Variants in RPS6KA2 observed in about 807,000 individuals in gnomAD.
RPS6KA2 encodes the protein ribosomal protein S6 kinase A2, also known as ribosomal protein S6 kinase alpha-2.
A neutral mutation model predicts 91.8 loss-of-function variants in RPS6KA2; 42 were observed. That is an observed-to-expected ratio of 0.46 (90% CI 0.36 to 0.59). The LOEUF (loss-of-function observed/expected upper bound fraction) is 0.59, where lower values mean the gene tolerates loss of function less well. RPS6KA2 is among the 20% of genes least tolerant of loss of function. The pLI is 0.00. For missense variants in RPS6KA2, 798 were observed against 978.5 expected (o/e 0.82, Z 2.46); for synonymous variants, 414 against 393.6 (o/e 1.05, Z -0.61).
At chr6:166,727,966 G>A (rs886446092) in intron 2 of RPS6KA2, among the ~76,000 whole-genome samples, 1 of 152,142 alleles carries the variant, frequency 6.6e-6, no homozygotes, top group Admixed American at 6.5e-5. Context: ...AAAACCAGAT[G>A]GTCATGTCCA....
At chr6:166,661,284 A>G (rs1033033855) in intron 2 of RPS6KA2, among the ~76,000 whole-genome samples, 1 of 152,164 alleles carries the variant, frequency 6.6e-6, no homozygotes, top group Non-Finnish European at 1.5e-5. Context: ...CATTTTTAAT[A>G]GAGACAGGGT....
chr6:166,723,538 A>C (rs1790244106), intron 2 of RPS6KA2, among the ~76,000 whole-genome samples: 1 of 152,180 alleles, frequency 6.6e-6, no homozygotes, highest in Non-Finnish European at 1.5e-5. Flanking sequence ...TCAAAGTGGC[A>C]GCCAGGATCT....
chr6:166,613,872 G>A (rs1005504498), intron 1 of RPS6KA2, among the ~76,000 whole-genome samples: 2 of 151,202 alleles, frequency 1.3e-5, no homozygotes, highest in African/African-American at 2.4e-5. Context: ...GCTTTCCACG[G>A]CCTTCAGGAC....
rs769707980 is a variant in RPS6KA2, at chr6:166,418,273, C to T, written c.1890G>A (p.Lys630=). ...CCCAGTTTCCCCCAGAAAGGGCATA[C>T]TTCCCACTGCCGATCCGCGCCAGAA... ...EEILARIGSG[K]YALSGGNWDS... is the part of the protein sequence containing the mutation. The change falls in exon 19 of 21, where the codon AAG becomes AAA. Residue 630 remains lysine, a synonymous_variant. Transcript: ENST00000265678. The surrounding 1 kb of genome is among the most constrained non-coding windows in gnomAD (Gnocchi z 4.9). 8 of 1,613,998 alleles carry T rather than the reference C, an allele frequency of 5.0e-6. No homozygotes were observed. The highest frequency in any genetic ancestry group is 6.8e-6 in the Non-Finnish European group (8 of 1,179,986).
chr6:166,533,516 G>A lies in RPS6KA2; in HGVS notation c.217-2203C>T, dbSNP rs188693446. On this transcript the variant is annotated intron_variant, in intron 2 of 20. Transcript: ENST00000265678. This position sits in a 1 kb window ranked among gnomAD's most constrained non-coding sequence, Gnocchi z 4.0. ...CGGCATCCTGCAGGTAAGTTGGGCA[G>A]TGACACCAGCAAGGGCAGGGGTGTG... 1.3e-3 allele frequency among the ~76,000 whole-genome samples: 194 copies of A among 152,380 alleles called. No individual in the cohort carries two copies. The highest frequency in any genetic ancestry group is 2.1e-3 in the Non-Finnish European group (142 of 68,040).
intron 5 of RPS6KA2, among the ~76,000 whole-genome samples, chr6:166,505,189 G>A (rs1387637475): frequency 6.6e-6 from 1 of 152,104 alleles, no homozygotes; most frequent in East Asian, 1.9e-4. Flanking sequence ...GCCCCAAGCT[G>A]AGGGGGCGGG....
chr6:166,855,455 A>G (rs940427257), intron 2 of RPS6KA2, among the ~76,000 whole-genome samples: 20 of 121,476 alleles, frequency 1.6e-4, no homozygotes, highest in African/African-American at 2.2e-4. Context: ...GAAGAGGAAG[A>G]AGAAGAGGAA....
At chr6:166,749,822 C>T (rs1483597253) in intron 2 of RPS6KA2, among the ~76,000 whole-genome samples, 3 of 148,324 alleles carry the variant, frequency 2.0e-5, no homozygotes, top group African/African-American at 7.5e-5. Context: ...CACTGCCTGG[C>T]TGGGAGCTGC....
chr6:166,420,307 A>G (rs1354813220), intron 17 of RPS6KA2, among the ~76,000 whole-genome samples: 1 of 152,230 alleles, frequency 6.6e-6, no homozygotes, highest in African/African-American at 2.4e-5. Flanking sequence ...GTTTAGCAGC[A>G]TTAAGCCCAT....
At chr6:166,813,374 G>T (rs1221235743) in intron 2 of RPS6KA2, among the ~76,000 whole-genome samples, 1 of 152,200 alleles carries the variant, frequency 6.6e-6, no homozygotes, top group Admixed American at 6.5e-5. Flanking sequence ...TACAACTGTA[G>T]ATTTGATTAT....
At position 166,437,601 on chromosome 6, in the gene RPS6KA2, G is replaced by C. The variant is rs1197338800; in HGVS notation, c.1333-5111C>G. Among the ~76,000 whole-genome samples, 2 of 152,160 alleles carry C rather than the reference G, an allele frequency of 1.3e-5. No individual in the cohort carries two copies. Among genetic ancestry groups the C allele is most frequent in the East Asian group, 3.9e-4 (2 of 5,184 alleles). ...CACAGCCGGTAAATAAACTTTCCAT[G>C]GTGTTGCCACCGAGCAGGCTGAATA... On this transcript the variant is annotated intron_variant, in intron 14 of 20. Coordinates refer to ENST00000265678, the MANE Select transcript of RPS6KA2 (RefSeq NM_021135.6). This position sits in a 1 kb window ranked among gnomAD's most constrained non-coding sequence, Gnocchi z 4.3.
At chr6:166,624,055 G>C (rs1786742320) in intron 1 of RPS6KA2, among the ~76,000 whole-genome samples, 1 of 152,028 alleles carries the variant, frequency 6.6e-6, no homozygotes, top group Non-Finnish European at 1.5e-5. Context: ...GGAAAAAAAA[G>C]AAGGAACTTT....
At chr6:166,840,899 G>A (rs1159423894) in intron 2 of RPS6KA2, among the ~76,000 whole-genome samples, 1 of 152,068 alleles carries the variant, frequency 6.6e-6, no homozygotes, top group East Asian at 1.9e-4. Context: ...GGAGGCAGAG[G>A]TTGCGGTGAG....
chr6:166,558,037 GGTGT>G (rs1784227737), intron 1 of RPS6KA2, among the ~76,000 whole-genome samples: 1 of 151,630 alleles, frequency 6.6e-6, no homozygotes, highest in African/African-American at 2.4e-5. Flanking sequence ...TGTATATATA[GGTGT>G]GTATGTATGT....
intron 7 of RPS6KA2, among the ~76,000 whole-genome samples, chr6:166,499,832 G>C (rs370698252): frequency 0.022 from 2,720 of 123,424 alleles, 88 homozygotes; most frequent in African/African-American, 0.083. Context: ...CAGGGACTTT[G>C]AGAACAGACT....
At chr6:166,421,702 G>A (rs1461969328) in intron 17 of RPS6KA2, among the ~76,000 whole-genome samples, 4 of 152,078 alleles carry the variant, frequency 2.6e-5, no homozygotes, top group East Asian at 3.9e-4. Flanking sequence ...TGGGCATCTC[G>A]CATGCATAAA....
At position 166,510,554 on chromosome 6, in the gene RPS6KA2, C is replaced by CATATAT. The variant is rs58712416; in HGVS notation, c.299-203_299-198dup. Among the ~76,000 whole-genome samples, 233 of 78,550 alleles carry CATATAT rather than the reference C, an allele frequency of 3.0e-3. 8 individuals are homozygous for CATATAT. Among genetic ancestry groups the CATATAT allele is most frequent in the South Asian group, 4.1e-3 (11 of 2,682 alleles). The allele number at this position is 78,550 out of a possible 152,430, so 51.5% of individuals were successfully genotyped here. A position where few individuals can be genotyped will look rare whatever the true frequency, so the allele number is the denominator to read the frequency against. The stretch of plus-strand genomic sequence containing the variant: ...TTTAATACATTTGCTTTCTCTCTCT[C>CATATAT]ATATATATATATATATATATATATA... On this transcript the variant is annotated intron_variant, in intron 3 of 20. Transcript: ENST00000265678.
intron 1 of RPS6KA2, among the ~76,000 whole-genome samples, chr6:166,586,761 C>G (rs1257044424): frequency 6.6e-6 from 1 of 152,234 alleles, no homozygotes; most frequent in African/African-American, 2.4e-5. Flanking sequence ...ACAGTTTATT[C>G]TGAAGACATG....
rs575301968 is a variant in RPS6KA2 at position 166,500,978 on chromosome 6, C to T, written c.567-54G>A. ...TTTAGAAAGAGACCCAGCCTGCCGA[C>T]GGGCACGCAGAGCTCAGAGGAGAGC... is the stretch of plus-strand genomic sequence containing the variant. On this transcript the variant is annotated intron_variant, in intron 6 of 20. Coordinates refer to ENST00000265678, the MANE Select transcript of RPS6KA2 (RefSeq NM_021135.6). This position sits in a 1 kb window ranked among gnomAD's most constrained non-coding sequence, Gnocchi z 4.3. 220 of 1,559,254 alleles carry T rather than the reference C, an allele frequency of 1.4e-4. 1 individual carries two copies. The highest frequency in any genetic ancestry group is 4.8e-4 in the South Asian group (43 of 89,118).
Sources: allele counts gnomAD v4.1 joint callset (sites outside exome capture counted in the v4.1 genomes callset), GRCh38; gene constraint gnomAD v4.1.1; non-coding constraint Gnocchi (gnomAD v3.1); transcripts MANE v1.5; gene names NCBI Gene and HGNC (gene_info 2026-07-23, HGNC 2026-07-21).